Variants in BRINP2 observed in about 807,000 individuals in gnomAD.
BRINP2 encodes BMP/retinoic acid-inducible neural-specific protein 2.
BRINP2 carries 21 observed loss-of-function variants against 69.2 expected under a neutral mutation model. The ratio of observed to expected loss-of-function variants is 0.30; its 90% CI spans 0.22 to 0.44. The LOEUF is 0.44. Ranked by LOEUF, BRINP2 falls within the 20% of genes least tolerant of loss-of-function variation. BRINP2 has a pLI of 1.00. For synonymous variants in BRINP2, 380 were observed against 394.1 expected, an observed-to-expected ratio of 0.96 and a Z score of 0.42; for missense variants, 877 against 986.0, an observed-to-expected ratio of 0.89 and a Z score of 1.48.
At chr1:177,249,110 A>G (rs571803231) in intron 2 of BRINP2, among the ~76,000 whole-genome samples, 58 of 152,324 alleles carry the variant, frequency 3.8e-4, no homozygotes, top group African/African-American at 1.4e-3. Flanking sequence ...GATTATTTAG[A>G]TATCATTATA....
intron 2 of BRINP2, among the ~76,000 whole-genome samples, chr1:177,245,644 G>C (rs1200727021): frequency 1.3e-5 from 2 of 152,170 alleles, no homozygotes; most frequent in African/African-American, 4.8e-5. Context: ...AGCAGTTTGG[G>C]ATGTCAGGAA....
chr1:177,174,546 C>T (rs2102284009), intron 1 of BRINP2, among the ~76,000 whole-genome samples: 1 of 152,236 alleles, frequency 6.6e-6, no homozygotes, highest in African/African-American at 2.4e-5. Flanking sequence ...TTGATTCGTA[C>T]AGATAATGAG....
At chr1:177,250,000 T>C (rs951864059) in intron 2 of BRINP2, among the ~76,000 whole-genome samples, 1 of 152,234 alleles carries the variant, frequency 6.6e-6, no homozygotes, top group Non-Finnish European at 1.5e-5. Flanking sequence ...TTAGTACTTA[T>C]GCCTAATGTT....
intron 4 of BRINP2, among the ~76,000 whole-genome samples, chr1:177,258,564 T>G (rs918410536): frequency 2.7e-5 from 4 of 149,872 alleles, no homozygotes; most frequent in African/African-American, 9.7e-5. Context: ...TGTGGTTTTG[T>G]TTTTGTTTTT....
chr1:177,255,119 G>T lies in BRINP2; in HGVS notation c.270-800G>T, dbSNP rs368356080. On this transcript the variant is annotated intron_variant, in intron 2 of 7. Coordinates refer to ENST00000361539, the MANE Select transcript of BRINP2 (RefSeq NM_021165.4). ...AAGAAACTACCATCTGTTTAGTTTA[G>T]TGTAGTACCAAAGATGAAAATCCAC... Among the ~76,000 whole-genome samples, 206 of 152,294 alleles carry T rather than the reference G, an allele frequency of 1.4e-3. 1 individual carries two copies. Among genetic ancestry groups the T allele is most frequent in the African/African-American group, 4.6e-3 (192 of 41,564 alleles).
Position 177,182,450 on chromosome 1 carries a change from CG to C in BRINP2, c.-77+10719del, listed in dbSNP as rs370356337. Among the ~76,000 whole-genome samples, 46 of 152,182 alleles carry C rather than the reference CG, an allele frequency of 3.0e-4. 1 individual carries two copies. Among genetic ancestry groups the C allele is most frequent in the African/African-American group, 9.6e-4 (40 of 41,520 alleles). On this transcript the variant is annotated intron_variant, in intron 1 of 7. Transcript: ENST00000361539. Reference sequence around the variant, plus strand: ...GAGAGGAATTGTAGGCCCTTCAAAACGAACCATACAGACAGCTGCTGATTCT... The same window carrying C: ...GAGAGGAATTGTAGGCCCTTCAAAACAACCATACAGACAGCTGCTGATTCT...
At chr1:177,197,199 T>G (rs1648771681) in intron 1 of BRINP2, among the ~76,000 whole-genome samples, 1 of 152,090 alleles carries the variant, frequency 6.6e-6, no homozygotes, top group Non-Finnish European at 1.5e-5. Context: ...TTAGGAAGCT[T>G]CCAATCATGG....
intron 1 of BRINP2, among the ~76,000 whole-genome samples, chr1:177,205,924 G>A (rs530743825): frequency 6.6e-6 from 1 of 152,290 alleles, no homozygotes; most frequent in South Asian, 2.1e-4. Context: ...ATCAGTGCTG[G>A]TCTATGTGAC....
At chr1:177,228,603 G>A (rs1649771879) in intron 1 of BRINP2, among the ~76,000 whole-genome samples, 1 of 152,200 alleles carries the variant, frequency 6.6e-6, no homozygotes, top group South Asian at 2.1e-4. Flanking sequence ...GTCAGAGAAT[G>A]TTCTCAAGCC....
Position 177,280,638 on chromosome 1 carries a change from C to T in BRINP2, c.1462C>T (p.Gln488Ter). The change falls in exon 8 of 8, where the codon CAG becomes TAG. Residue 488 changes from glutamine to a stop codon, truncating the protein, a stop_gained. Coordinates refer to ENST00000361539, the MANE Select transcript of BRINP2 (RefSeq NM_021165.4). LOFTEE classifies it high-confidence loss of function. ...CTGCAACCCGGGCTATGTGCTGGCC[C>T]AGGGGCTGTGCCGGCCAGAGGTGGC... ...GSCNPGYVLA[Q>*]GLCRPEVAES... 6.2e-7 allele frequency: 1 copy of T among 1,614,170 alleles called. No homozygotes were observed. The highest frequency in any genetic ancestry group is 8.5e-7 in the Non-Finnish European group (1 of 1,180,016).
intron 1 of BRINP2, among the ~76,000 whole-genome samples, chr1:177,189,660 A>C (rs1648530465): frequency 6.6e-6 from 1 of 152,108 alleles, no homozygotes; most frequent in African/African-American, 2.4e-5. Flanking sequence ...ATACTTCTCA[A>C]CTTAGAAACT....
At chr1:177,264,344 C>G (rs147383471) in intron 4 of BRINP2, among the ~76,000 whole-genome samples, 51 of 152,240 alleles carry the variant, frequency 3.3e-4, no homozygotes, top group African/African-American at 1.2e-3. Flanking sequence ...AAACCCACAG[C>G]CAATATCATA....
intron 1 of BRINP2, among the ~76,000 whole-genome samples, chr1:177,200,395 T>A (rs1436385130): frequency 1.4e-5 from 2 of 146,664 alleles, no homozygotes; most frequent in African/African-American, 5.0e-5. Context: ...TACAGCACAA[T>A]GTCACACTCA....
At chr1:177,235,184 T>G (rs974621064) in intron 2 of BRINP2, among the ~76,000 whole-genome samples, 4 of 152,118 alleles carry the variant, frequency 2.6e-5, no homozygotes, top group Non-Finnish European at 4.4e-5. Context: ...ACCTAAGGAA[T>G]GAAAATCTGC....
chr1:177,275,848 T>C (rs555623172), intron 5 of BRINP2, among the ~76,000 whole-genome samples: 44 of 152,228 alleles, frequency 2.9e-4, no homozygotes, highest in Non-Finnish European at 5.6e-4. Context: ...TGTAAGCTCT[T>C]CTTTTATCTG....
intron 2 of BRINP2, among the ~76,000 whole-genome samples, chr1:177,242,508 G>T (rs530309372): frequency 6.6e-6 from 1 of 151,956 alleles, no homozygotes; most frequent in Non-Finnish European, 1.5e-5. Context: ...TACCCCAAAA[G>T]CTCTTTATCT....
intron 1 of BRINP2, among the ~76,000 whole-genome samples, chr1:177,191,158 AG>A (rs1648584749): frequency 6.6e-6 from 1 of 152,210 alleles, no homozygotes. Context: ...AATGCTAAAA[AG>A]CCCTCTCGAA....
rs79041355 is a variant in BRINP2, at chr1:177,201,365, G to A, written c.-76-28436G>A. Among the ~76,000 whole-genome samples, 772 of 152,146 alleles carry A rather than the reference G, an allele frequency of 5.1e-3. 9 individuals carry two copies. Among genetic ancestry groups the A allele is most frequent in the African/African-American group, 0.018 (740 of 41,510 alleles). On this transcript the variant is annotated intron_variant, in intron 1 of 7. Transcript: ENST00000361539. The stretch of plus-strand genomic sequence containing the variant: ...AGGCAATTTTGGCTTCATCTATTGT[G>A]TCATAAAGGACTATTTCTTTAATAA...
At chr1:177,259,881 T>G (rs1471547560) in intron 4 of BRINP2, among the ~76,000 whole-genome samples, 1 of 152,210 alleles carries the variant, frequency 6.6e-6, no homozygotes, top group African/African-American at 2.4e-5. Flanking sequence ...CTGATGGAGA[T>G]GTACAAAGGA....
Sources: allele counts gnomAD v4.1 joint callset (sites outside exome capture counted in the v4.1 genomes callset), GRCh38; gene constraint gnomAD v4.1.1; transcripts MANE v1.5; gene names NCBI Gene and HGNC (gene_info 2026-07-23, HGNC 2026-07-21).